Variants in TP73 observed in about 807,000 individuals in gnomAD.
TP73 encodes p53-like transcription factor.
Under a neutral mutation model 62.5 loss-of-function variants are expected in TP73, and 25 were observed. The ratio of observed to expected loss-of-function variants is 0.40; its 90% CI spans 0.29 to 0.56. TP73 has a LOEUF of 0.56. Ranked by LOEUF, TP73 falls within the 20% of genes least tolerant of loss-of-function variation. TP73 has a pLI of 0.46. For synonymous variants in TP73, 423 were observed against 377.5 expected, an observed-to-expected ratio of 1.12 and a Z score of -1.40; for missense variants, 754 against 913.3, an observed-to-expected ratio of 0.83 and a Z score of 2.25.
rs1235680889 is a variant in TP73 at position 3,731,604 on chromosome 1, C to T, written c.1578+48C>T. 3 of 1,565,208 alleles carry T rather than the reference C, an allele frequency of 1.9e-6. No homozygotes were observed. In the South Asian group the frequency reaches 3.3e-5, roughly 17 times the overall value. ...TCTGCAGAGGCAGTAGCTGGAGGGG[C>T]CCCTGTCCGGAGGGCAAAGAGCCTT... is the stretch of plus-strand genomic sequence containing the variant. On this transcript the variant is annotated intron_variant, in intron 13 of 13. Transcript: ENST00000378295.
At chr1:3,688,800 C>T (rs748836056) in intron 3 of TP73, among the ~76,000 whole-genome samples, 6 of 152,156 alleles carry the variant, frequency 3.9e-5, no homozygotes, top group African/African-American at 1.2e-4. Flanking sequence ...TGGAGAGATG[C>T]GGGGTCTCAG....
At chr1:3,674,432 G>A (rs1645314512) in intron 1 of TP73, among the ~76,000 whole-genome samples, 1 of 152,232 alleles carries the variant, frequency 6.6e-6, no homozygotes, top group African/African-American at 2.4e-5. Context: ...CTAGGGGAGT[G>A]GGGCAGCAGG....
intron 7 of TP73, 32 bp downstream of exon 7, chr1:3,727,256 A>T (rs749783947): frequency 6.3e-7 from 1 of 1,599,138 alleles, no homozygotes; most frequent in Admixed American, 1.7e-5. Context: ...TGGAGGTGGG[A>T]CAGGGCTGGG....
At chr1:3,724,006 G>A (rs938400950) in intron 6 of TP73, among the ~76,000 whole-genome samples, 2 of 152,198 alleles carry the variant, frequency 1.3e-5, no homozygotes, top group Admixed American at 6.5e-5. Context: ...GTGGAGAGCC[G>A]GGAGGCCCCG....
chr1:3,718,424 C>T (rs1034088685), intron 4 of TP73, among the ~76,000 whole-genome samples: 2 of 152,194 alleles, frequency 1.3e-5, no homozygotes, highest in East Asian at 1.9e-4. Flanking sequence ...GGGAGTGGGG[C>T]GGGCTCAGCA....
chr1:3,702,624 C>T (rs1390612118), intron 3 of TP73, among the ~76,000 whole-genome samples: 1 of 152,226 alleles, frequency 6.6e-6, no homozygotes, highest in East Asian at 1.9e-4. Context: ...TCCTGCCCCG[C>T]AACAAGGCCC....
chr1:3,729,972 A>T, intron 10 of TP73, 28 bp from the exon 11 acceptor site: 1 of 1,549,248 alleles, frequency 6.5e-7, no homozygotes, highest in Non-Finnish European at 8.8e-7. Flanking sequence ...CTTGCTTCCC[A>T]CCCATGCGAG....
chr1:3,695,457 G>A (rs1638555789), intron 3 of TP73, among the ~76,000 whole-genome samples: 1 of 152,202 alleles, frequency 6.6e-6, no homozygotes, highest in African/African-American at 2.4e-5. Flanking sequence ...GCACCCTTGG[G>A]CCTGGCCTGT....
intron 4 of TP73, 38 bp from the exon 5 acceptor site, chr1:3,721,983 G>T (rs1474840655): frequency 6.4e-7 from 1 of 1,559,126 alleles, no homozygotes; most frequent in African/African-American, 1.4e-5. Flanking sequence ...GTGCAGTTGG[G>T]ACCACTGGTC....
intron 3 of TP73, chr1:3,698,259 G>C (rs1031810575): frequency 2.0e-5 from 6 of 293,160 alleles, no homozygotes; most frequent in Non-Finnish European, 5.1e-6. Flanking sequence ...GGTTCGGAGA[G>C]GGGAGAGAAG....
rs762221969 is a variant in TP73 at position 3,732,965 on chromosome 1, C to T, written c.1797C>T (p.Arg599=). ...RVRHTITIPN[R]GGPGGGPDEW... ...GCCACACCATCACCATCCCCAACCG[C>T]GGCGGCCCAGGCGGCGGCCCTGACG... Residue 599 remains arginine, a synonymous_variant, in exon 14 of 14, where the codon CGC becomes CGT. Transcript: ENST00000378295. 6 of 1,605,290 alleles carry T rather than the reference C, an allele frequency of 3.7e-6. No homozygotes were observed. The highest frequency in any genetic ancestry group is 1.1e-5 in the South Asian group (1 of 90,376).
At chr1:3,725,386 G>A (rs1296207243) in intron 6 of TP73, among the ~76,000 whole-genome samples, 2 of 142,510 alleles carry the variant, frequency 1.4e-5, no homozygotes. Flanking sequence ...GTGGATGGGT[G>A]GATGGATGGG....
chr1:3,727,850 C>T lies in TP73; in HGVS notation c.985+80C>T, dbSNP rs1641802593. 3.4e-5 allele frequency: 50 copies of T among 1,453,022 alleles called. No homozygotes were observed. In the South Asian group the frequency reaches 6.6e-4, roughly 19 times the overall value. The allele number at this position is 1,453,022 out of a possible 1,614,324, so 90.0% of individuals were successfully genotyped here. On this transcript the variant is annotated intron_variant, in intron 8 of 13. Coordinates refer to ENST00000378295, the MANE Select transcript of TP73 (RefSeq NM_005427.4). ...GGCAGGACACAATGTGAGCCCGCGTCCCAGGGACAGGGCCAGTCCCTGAAC... is the reference window on the plus strand; with the variant it reads ...GGCAGGACACAATGTGAGCCCGCGTTCCAGGGACAGGGCCAGTCCCTGAAC...
At position 3,666,691 on chromosome 1, in the gene TP73, G is replaced by T. The variant is rs1397857727; in HGVS notation, c.-34+14050G>T. Among the ~76,000 whole-genome samples the T allele has an allele frequency of 6.6e-6, 1 of 152,156 alleles. No individual in the cohort carries two copies. The highest frequency in any genetic ancestry group is 2.4e-5 in the African/African-American group (1 of 41,434). ...AGGCCTGTCCTGTGTGTCTCACTGA[G>T]CAGGAACAAACCGTCCCAGAAGCCC... is the stretch of plus-strand genomic sequence containing the variant. On this transcript the variant is annotated intron_variant, in intron 1 of 13. Coordinates refer to ENST00000378295, the MANE Select transcript of TP73 (RefSeq NM_005427.4). The surrounding 1 kb of genome is among the most constrained non-coding windows in gnomAD (Gnocchi z 6.4).
chr1:3,729,206 GC>G (rs1641926649), intron 9 of TP73, 120 bp from the exon 10 acceptor site: 25 of 1,369,532 alleles, frequency 1.8e-5, no homozygotes, highest in Non-Finnish European at 2.1e-5. Flanking sequence ...CCTCTGGGGT[GC>G]TGGGGAACCC....
intron 3 of TP73, among the ~76,000 whole-genome samples, chr1:3,683,825 A>G (rs1337933533): frequency 6.6e-6 from 1 of 152,184 alleles, no homozygotes; most frequent in Non-Finnish European, 1.5e-5. Context: ...ACAGGGTGAC[A>G]ATGGAATGGA....
rs559670135 is a variant in TP73, at chr1:3,672,844, T to G, written c.-33-9489T>G. Among the ~76,000 whole-genome samples, 11 of 149,620 alleles carry G rather than the reference T, an allele frequency of 7.4e-5. No homozygotes were observed. In the East Asian group the frequency reaches 2.2e-3, roughly 30 times the overall value. ...TGTCCCTGCCCACCCCTTCCACCCC[T>G]TTCTTAGAGGAAGCTCAGCCCATCA... On this transcript the variant is annotated intron_variant, in intron 1 of 13. Coordinates refer to ENST00000378295, the MANE Select transcript of TP73 (RefSeq NM_005427.4). This position sits in a 1 kb window ranked among gnomAD's most constrained non-coding sequence, Gnocchi z 5.3.
intron 1 of TP73, among the ~76,000 whole-genome samples, chr1:3,671,465 G>T (rs1361945162): frequency 6.6e-6 from 1 of 152,238 alleles, no homozygotes. Context: ...CAGGGCCTAG[G>T]CAGCTCTTGG....
At chr1:3,693,156 C>A (rs1557519388) in intron 3 of TP73, among the ~76,000 whole-genome samples, 1 of 152,252 alleles carries the variant, frequency 6.6e-6, no homozygotes, top group East Asian at 1.9e-4. Context: ...CTAGGCTGGG[C>A]CATCCTAATG....
Sources: allele counts gnomAD v4.1 joint callset (sites outside exome capture counted in the v4.1 genomes callset), GRCh38; gene constraint gnomAD v4.1.1; non-coding constraint Gnocchi (gnomAD v3.1); transcripts MANE v1.5; gene names NCBI Gene and HGNC (gene_info 2026-07-23, HGNC 2026-07-21).